FRMD3: variants seen among roughly 807,000 people sequenced by gnomAD.
FRMD3 encodes the protein FERM domain-containing protein 3.
Under a neutral mutation model 70.2 loss-of-function variants are expected in FRMD3, and 33 were observed. That is an observed-to-expected ratio of 0.47 (90% CI 0.36 to 0.63). FRMD3 has a LOEUF of 0.63. Among genes scored for constraint, FRMD3 ranks in the 20% least tolerant of loss-of-function variants. FRMD3 has a pLI of 0.00. For synonymous variants in FRMD3, 279 were observed against 255.9 expected (o/e 1.09, Z -0.86); for missense variants, 632 against 711.4 (o/e 0.89, Z 1.27).
chr9:83,538,455 G>A, upstream of FRMD3: 1 of 365,404 alleles, frequency 2.7e-6, no homozygotes, highest in Non-Finnish European at 4.9e-6. This position sits in a 1 kb window ranked among gnomAD's most constrained non-coding sequence, Gnocchi z 4.7. Flanking sequence ...TCCTTTCCCC[G>A]CCTCCTTCTG....
chr9:83,268,602 ATAC>A (rs1489667746), intron 13 of FRMD3, among the ~76,000 whole-genome samples: 72 of 152,380 alleles, frequency 4.7e-4, no homozygotes, highest in African/African-American at 1.6e-3. Flanking sequence ...TGCTTGCAAT[ATAC>A]TACTAACTGA....
chr9:83,379,515 C>G (rs1417565777), intron 2 of FRMD3, among the ~76,000 whole-genome samples: 1 of 152,140 alleles, frequency 6.6e-6, no homozygotes, highest in African/African-American at 2.4e-5. Context: ...TTCCTCAACT[C>G]TCATTTAGAA....
intron 13 of FRMD3, among the ~76,000 whole-genome samples, chr9:83,283,763 A>G (rs959882832): frequency 3.9e-5 from 6 of 152,148 alleles, no homozygotes; most frequent in Non-Finnish European, 8.8e-5. Context: ...AGGATAGTCC[A>G]AGCGTGTGCA....
At position 83,244,664 on chromosome 9, in the gene FRMD3, T is replaced by G; in HGVS notation, c.*3254A>C. 2 of 985,218 alleles carry G rather than the reference T, an allele frequency of 2.0e-6. No homozygotes were observed. The highest frequency in any genetic ancestry group is 2.4e-6 in the Non-Finnish European group (2 of 829,744). The allele number at this position is 985,218 out of a possible 1,614,324, so 61.0% of individuals were successfully genotyped here. A position where few individuals can be genotyped will look rare whatever the true frequency, so the allele number is the denominator to read the frequency against. ...TTTATTAGGGATTCCTGCCACCATA[T>G]TAACATATAAAACAATCTGGATGTT... On this transcript the variant is annotated 3_prime_UTR_variant, in exon 14 of 14. Transcript: ENST00000304195.
intron 1 of FRMD3, among the ~76,000 whole-genome samples, chr9:83,444,169 C>A (rs1303860052): frequency 1.3e-5 from 2 of 152,254 alleles, no homozygotes; most frequent in South Asian, 2.1e-4. Context: ...GACTCCAGCA[C>A]AAGACAGGGA....
intron 1 of FRMD3, among the ~76,000 whole-genome samples, chr9:83,461,567 G>A (rs1827971630): frequency 6.6e-6 from 1 of 151,424 alleles, no homozygotes; most frequent in Non-Finnish European, 1.5e-5. Context: ...TGGGGTGGGA[G>A]GTCCAAGAAA....
chr9:83,480,746 C>T (rs1030897188), intron 1 of FRMD3, among the ~76,000 whole-genome samples: 1 of 152,052 alleles, frequency 6.6e-6, no homozygotes, highest in Non-Finnish European at 1.5e-5. Flanking sequence ...CCACCTGCCT[C>T]GGCCTCACAA....
intron 1 of FRMD3, among the ~76,000 whole-genome samples, chr9:83,429,460 T>A (rs1826907118): frequency 1.3e-5 from 2 of 152,144 alleles, no homozygotes; most frequent in South Asian, 4.1e-4. Flanking sequence ...CCCCAGGACA[T>A]CCTTAAAAAT....
chr9:83,260,062 C>T (rs1457513320), intron 13 of FRMD3, among the ~76,000 whole-genome samples: 2 of 152,222 alleles, frequency 1.3e-5, no homozygotes, highest in Middle Eastern at 3.4e-3. Context: ...GGACTTTTTA[C>T]CTGCAAAATG....
In FRMD3 at chr9:83,436,781, GAAAAAA is replaced by G. The variant is rs200464485; in HGVS notation, c.148-47079_148-47074del. 2.9e-3 allele frequency among the ~76,000 whole-genome samples: 389 copies of G among 132,282 alleles called. 1 individual carries two copies. The highest frequency in any genetic ancestry group is 9.6e-3 in the African/African-American group (351 of 36,700). 86.8% of individuals were successfully genotyped at this position (132,282 alleles called of 152,430 possible). On this transcript the variant is annotated intron_variant, in intron 1 of 13. Coordinates refer to ENST00000304195, the MANE Select transcript of FRMD3 (RefSeq NM_174938.6). ...GAAGTTTTCCAACCTGGACCAAGGGGAAAAAAAAAAAAAAAAAAAACAAGACAGCTA... is the reference window on the plus strand; with the variant it reads ...GAAGTTTTCCAACCTGGACCAAGGGGAAAAAAAAAAAAAACAAGACAGCTA...
chr9:83,301,891 C>T lies in FRMD3; in HGVS notation c.927-2705G>A, dbSNP rs1296987495. ...CAGAGAGAAAAGACTGTGCGTCTTT[C>T]TGGCTGCGGGTTCCCCTGGAGGAGT... is the stretch of plus-strand genomic sequence containing the variant. On this transcript the variant is annotated intron_variant, in intron 10 of 13. Coordinates refer to ENST00000304195, the MANE Select transcript of FRMD3 (RefSeq NM_174938.6). Among the ~76,000 whole-genome samples, 4 of 152,274 alleles carry T rather than the reference C, an allele frequency of 2.6e-5. No individual in the cohort carries two copies. In the East Asian group the frequency reaches 7.7e-4, roughly 29 times the overall value.
intron 1 of FRMD3, among the ~76,000 whole-genome samples, chr9:83,426,343 A>C (rs1305677951): frequency 2.6e-5 from 4 of 152,234 alleles, no homozygotes; most frequent in African/African-American, 9.7e-5. Flanking sequence ...CATCTCCTAC[A>C]TGTTGGCACT....
intron 3 of FRMD3, among the ~76,000 whole-genome samples, chr9:83,371,183 T>C (rs1411459028): frequency 6.6e-6 from 1 of 152,288 alleles, no homozygotes; most frequent in East Asian, 1.9e-4. Flanking sequence ...TATTTTCAAA[T>C]ATATAAACAA....
the FRMD3 span, among the ~76,000 whole-genome samples, chr9:83,548,251 G>A: frequency 6.6e-6 from 1 of 152,116 alleles, no homozygotes; most frequent in African/African-American, 2.4e-5. Context: ...AAACATTTTT[G>A]TCCATACAAA....
intron 1 of FRMD3, among the ~76,000 whole-genome samples, chr9:83,452,550 C>G (rs1453524711): frequency 6.6e-6 from 1 of 151,908 alleles, no homozygotes; most frequent in Admixed American, 6.5e-5. Context: ...GGTGCGATCT[C>G]GGCTCACTGC....
intron 3 of FRMD3, among the ~76,000 whole-genome samples, chr9:83,357,349 T>C (rs1824435317): frequency 1.4e-5 from 2 of 146,018 alleles, no homozygotes; most frequent in East Asian, 2.1e-4. Context: ...GCTGGTTCCA[T>C]ATTTTTGCAA....
chr9:83,323,633 A>G (rs1835896543), intron 6 of FRMD3, among the ~76,000 whole-genome samples: 1 of 152,202 alleles, frequency 6.6e-6, no homozygotes, highest in Non-Finnish European at 1.5e-5. Flanking sequence ...TGCAGTCCCC[A>G]GACCTTAAAC....
At chr9:83,306,793 T>A (rs1835152329) in intron 10 of FRMD3, among the ~76,000 whole-genome samples, 3 of 152,256 alleles carry the variant, frequency 2.0e-5, no homozygotes, top group East Asian at 1.9e-4. Context: ...TATGGAAAAA[T>A]CTACAATCCA....
In FRMD3 at chr9:83,246,833, T is replaced by C. The variant is rs1832129365; in HGVS notation, c.*1085A>G. The stretch of plus-strand genomic sequence containing the variant: ...ATGTTAACTCAGACAGCGACTGCAC[T>C]GCTCTTCACATCATCGAACGCTGGC... On this transcript the variant is annotated 3_prime_UTR_variant, in exon 14 of 14. Transcript: ENST00000304195. 3.0e-6 allele frequency: 3 copies of C among 985,290 alleles called. No individual in the cohort carries two copies. The highest frequency in any genetic ancestry group is 1.2e-4 in the Admixed American group (2 of 16,258). The allele number at this position is 985,290 out of a possible 1,614,324, so 61.0% of individuals were successfully genotyped here.
Sources: allele counts gnomAD v4.1 joint callset (sites outside exome capture counted in the v4.1 genomes callset), GRCh38; gene constraint gnomAD v4.1.1; non-coding constraint Gnocchi (gnomAD v3.1); transcripts MANE v1.5; gene names NCBI Gene and HGNC (gene_info 2026-07-23, HGNC 2026-07-21).